GIT1: variants seen among roughly 807,000 people sequenced by gnomAD.
GIT1 encodes ARF GTPase-activating protein GIT1.
In GIT1, 14 loss-of-function variants were observed where a neutral mutation model predicts 91.7. That is an observed-to-expected ratio of 0.15 (90% CI 0.10 to 0.24). The LOEUF is 0.24. Ranked by LOEUF, GIT1 falls within the 10% of genes least tolerant of loss-of-function variation. The probability of loss-of-function intolerance (pLI) is 1.00; values close to 1 mark genes in which losing one functional copy is unlikely to be tolerated. For synonymous variants in GIT1, 414 were observed against 418.2 expected (o/e 0.99, Z 0.12); for missense variants, 717 against 1,024.9 (o/e 0.70, Z 4.10).
Position 29,575,883 on chromosome 17 carries a change from A to T in GIT1, c.1681T>A (p.Ser561Thr), listed in dbSNP as rs1302216816. Residue 561 changes from serine to threonine, a missense_variant, in exon 16 of 20, where the codon TCT becomes ACT. Coordinates refer to ENST00000225394, the MANE Select transcript of GIT1 (RefSeq NM_014030.4). The surrounding 1 kb of genome is among the most constrained non-coding windows in gnomAD (Gnocchi z 5.5). ...GGAGTGAAGGGCACAGCTGAGGCAG[A>T]CACCCCTTTCCGGATCTGAAACCCA... is the stretch of plus-strand genomic sequence containing the variant. ...AGLYRIRKGV[S>T]ASAVPFTPSS... 2 of 1,609,650 alleles carry T rather than the reference A, an allele frequency of 1.2e-6. No individual in the cohort carries two copies. Among genetic ancestry groups the T allele is most frequent in the South Asian group, 2.2e-5 (2 of 90,438 alleles).
intron 8 of GIT1, 126 bp from the exon 9 acceptor site, chr17:29,578,497 C>T: frequency 1.1e-6 from 1 of 915,954 alleles, no homozygotes; most frequent in South Asian, 1.3e-5. Flanking sequence ...CCCCTACAGT[C>T]TCAGAATGGG....
chr17:29,574,951 T>C (rs1479814488), intron 19 of GIT1, 37 bp from the exon 20 acceptor site: 1 of 1,522,800 alleles, frequency 6.6e-7, no homozygotes. Context: ...CCTTGGACTT[T>C]AAGCCACCAG....
chr17:29,577,216 C>A lies in GIT1; in HGVS notation c.1013G>T (p.Arg338Leu). Residue 338 changes from arginine (R) to leucine (L), a missense_variant, in exon 11 of 20, where the codon CGA (arginine) becomes CTA (leucine). Physicochemically the swap from Arg to Leu is moderately radical, Grantham distance 102 (BLOSUM62 -2). Transcript: ENST00000225394. ...GTCGATGATCAAGGTGGCAAACTCT[C>A]GGGCATTAAAGCGGGCCAGCTTTTG... ...GRQKLARFNA[R>L]EFATLIIDIL... 6.2e-7 allele frequency: 1 copy of A among 1,613,922 alleles called. No individual in the cohort carries two copies. The highest frequency in any genetic ancestry group is 8.5e-7 in the Non-Finnish European group (1 of 1,180,022).
chr17:29,576,696 G>C (rs1420229524), intron 12 of GIT1, 22 bp from the exon 13 acceptor site: 1 of 1,613,188 alleles, frequency 6.2e-7, no homozygotes, highest in Non-Finnish European at 8.5e-7. Flanking sequence ...GACCTAAGCT[G>C]GTCAGCACCT....
chr17:29,587,915 C>A (rs2150856156), intron 1 of GIT1, among the ~76,000 whole-genome samples: 1 of 152,310 alleles, frequency 6.6e-6, no homozygotes. Context: ...TCAGCCCTGC[C>A]ATCCCCAGAC....
rs1388547218 is a variant in GIT1 at position 29,582,983 on chromosome 17, G to A, written c.241C>T (p.Leu81=). 2 of 1,612,074 alleles carry A rather than the reference G, an allele frequency of 1.2e-6. No homozygotes were observed. The highest frequency in any genetic ancestry group is 2.7e-5 in the African/African-American group (2 of 74,936). ...CCGCTCTGCACTTGTGCGGGGTCCAGCAGGGAGTGCTCCCAGATGGAGTTG... is the reference window on the plus strand; with the variant it reads ...CCGCTCTGCACTTGTGCGGGGTCCAACAGGGAGTGCTCCCAGATGGAGTTG... ...GANSIWEHSL[L]DPAQVQSGRR... The change falls in exon 3 of 20, where the codon CTG becomes TTG. Residue 81 remains leucine (L), a synonymous_variant. Coordinates refer to ENST00000225394, the MANE Select transcript of GIT1 (RefSeq NM_014030.4).
chr17:29,580,089 C>T (rs1400870582), intron 7 of GIT1, among the ~76,000 whole-genome samples: 2 of 152,140 alleles, frequency 1.3e-5, no homozygotes, highest in Admixed American at 6.5e-5. Context: ...TTGCTGCACT[C>T]CCCCATGAGG....
chr17:29,575,952 T>C lies in GIT1; in HGVS notation c.1666-54A>G. On this transcript the variant is annotated intron_variant, in intron 15 of 19. Transcript: ENST00000225394. This position sits in a 1 kb window ranked among gnomAD's most constrained non-coding sequence, Gnocchi z 5.5. ...TCAGTGTGCCCCACTGCCCCCCTGC[T>C]CACCAGCAGTGCAGCAGGGACCAGG... 1 of 1,545,276 alleles carries C rather than the reference T, an allele frequency of 6.5e-7. No homozygotes were observed.
Position 29,577,155 on chromosome 17 carries a change from C to T in GIT1, c.1074G>A (p.Lys358=). 1 of 1,613,886 alleles carries T rather than the reference C, an allele frequency of 6.2e-7. No individual in the cohort carries two copies. Among genetic ancestry groups the T allele is most frequent in the Admixed American group, 1.7e-5 (1 of 60,028 alleles). The change falls in exon 11 of 20, where the codon AAG becomes AAA. Residue 358 remains lysine, a synonymous_variant. Coordinates refer to ENST00000225394, the MANE Select transcript of GIT1 (RefSeq NM_014030.4). ...TCCCACCTGTGGGGCTGCTCAGGCT[C>T]TTGCCCTGCTGTCTCCGCTTGGCCT... is the stretch of plus-strand genomic sequence containing the variant. ...LSEAKRRQQG[K]SLSSPTDNLE...
intron 4 of GIT1, 63 bp from the exon 5 acceptor site, chr17:29,582,207 G>A (rs2033422794): frequency 1.6e-6 from 2 of 1,274,080 alleles, no homozygotes; most frequent in Admixed American, 2.0e-5. Context: ...CCACCCACAA[G>A]CTGCACCCTG....
Position 29,582,744 on chromosome 17 carries a change from A to C in GIT1, c.359T>G (p.Leu120Arg). 6.2e-7 allele frequency: 1 copy of C among 1,613,730 alleles called. No individual in the cohort carries two copies. Among genetic ancestry groups the C allele is most frequent in the Non-Finnish European group, 8.5e-7 (1 of 1,179,966 alleles). Residue 120 changes from leucine (L) to arginine (R), a missense_variant, in exon 4 of 20, where the codon CTT (leucine) becomes CGT (arginine). Leu to Arg is a moderately radical substitution (Grantham distance 102). Transcript: ENST00000225394. The part of the protein sequence containing the change: ...KYQMLAFVHK[L>R]PCRDDDGVTA... ...GACTCCATCATCGTCCCGGCAGGGAAGCTTGTGCACAAATGCCAGCATCTG... is the reference window on the plus strand; with the variant it reads ...GACTCCATCATCGTCCCGGCAGGGACGCTTGTGCACAAATGCCAGCATCTG...
rs2033246140 is a variant in GIT1, at chr17:29,577,362, C to T, written c.982-115G>A. The T allele has an allele frequency of 2.6e-5, 22 of 833,274 alleles. 1 individual carries two copies. In the South Asian group the frequency reaches 3.0e-4, roughly 11 times the overall value. 51.6% of individuals were successfully genotyped at this position (833,274 alleles called of 1,614,324 possible). On this transcript the variant is annotated intron_variant, in intron 10 of 19. Coordinates refer to ENST00000225394, the MANE Select transcript of GIT1 (RefSeq NM_014030.4). ...CCATTTAATTTAACCCCAGCTAAAG[C>T]GTCCCAGCCTAGCTTCACCTGGCTA...
chr17:29,575,586 C>T lies in GIT1; in HGVS notation c.1826+44G>A, dbSNP rs1208138524. 6.3e-7 allele frequency: 1 copy of T among 1,593,670 alleles called. No individual in the cohort carries two copies. The highest frequency in any genetic ancestry group is 8.6e-7 in the Non-Finnish European group (1 of 1,167,000). ...CTGGGGGCCCTCTCAACCTCCCCGC[C>T]TCGGCATGTGAGCAGGCTGGACTGG... On this transcript the variant is annotated intron_variant, in intron 17 of 19. Transcript: ENST00000225394. The surrounding 1 kb of genome is among the most constrained non-coding windows in gnomAD (Gnocchi z 5.5).
At chr17:29,582,879 C>T (rs774986487) in intron 3 of GIT1, 46 bp downstream of exon 3, 3 of 1,558,366 alleles carry the variant, frequency 1.9e-6, no homozygotes, top group East Asian at 2.2e-5. Flanking sequence ...AGGGCCCTGT[C>T]CCGGACTGCG....
intron 1 of GIT1, among the ~76,000 whole-genome samples, chr17:29,586,967 G>A (rs752276705): frequency 3.9e-5 from 6 of 152,132 alleles, no homozygotes; most frequent in African/African-American, 7.2e-5. Flanking sequence ...GCCCATGCCC[G>A]GGAGCAGAGG....
rs78783041 is a variant in GIT1, at chr17:29,582,975, G to A, written c.249C>T (p.Pro83=). Residue 83 remains proline (P), a synonymous_variant, in exon 3 of 20, where the codon CCC becomes CCT. Transcript: ENST00000225394. ...TACGCCGGCCGCTCTGCACTTGTGC[G>A]GGGTCCAGCAGGGAGTGCTCCCAGA... ...NSIWEHSLLD[P]AQVQSGRRKA... 2.9e-3 allele frequency: 4,697 copies of A among 1,612,276 alleles called. 127 individuals carry two copies. The African/African-American group carries it at 0.055, about 19-fold the overall frequency.
intron 1 of GIT1, among the ~76,000 whole-genome samples, chr17:29,584,824 C>T (rs2033532745): frequency 6.6e-6 from 1 of 152,178 alleles, no homozygotes; most frequent in Admixed American, 6.5e-5. Context: ...CCTCTAAGGA[C>T]TTCCACCAAA....
Position 29,574,666 on chromosome 17 carries a change from G to T in GIT1, c.*36C>A. On this transcript the variant is annotated 3_prime_UTR_variant, in exon 20 of 20. Coordinates refer to ENST00000225394, the MANE Select transcript of GIT1 (RefSeq NM_014030.4). ...GTGGCCCAGCTCCTATGGCCAGTGA[G>T]GTCCTAGGGTGCAGGTGAGGGTGTG... 5 of 1,508,320 alleles carry T rather than the reference G, an allele frequency of 3.3e-6. No individual in the cohort carries two copies. The highest frequency in any genetic ancestry group is 3.7e-6 in the Non-Finnish European group (4 of 1,086,318). 93.4% of individuals were successfully genotyped at this position (1,508,320 alleles called of 1,614,324 possible).
chr17:29,589,301 C>T lies in GIT1; in HGVS notation c.52+26G>A. 6.0e-6 allele frequency: 6 copies of T among 1,004,612 alleles called. No individual in the cohort carries two copies. The highest frequency in any genetic ancestry group is 7.1e-6 in the Non-Finnish European group (6 of 841,144). The allele number at this position is 1,004,612 out of a possible 1,614,324, so 62.2% of individuals were successfully genotyped here. A position where few individuals can be genotyped will look rare whatever the true frequency, so the allele number is the denominator to read the frequency against. ...CCCGGCGGCGGCCTGGCTGTGCGGT[C>T]CCGCCCCCGGCCCCGCCGCGCTTAC... On this transcript the variant is annotated intron_variant, in intron 1 of 19. Transcript: ENST00000225394. The surrounding 1 kb of genome is among the most constrained non-coding windows in gnomAD (Gnocchi z 5.2).
Sources: gnomAD v4.1 joint callset for allele counts (sites outside exome capture counted in the v4.1 genomes callset) on GRCh38, gnomAD v4.1.1 for gene constraint, Gnocchi (gnomAD v3.1) non-coding constraint, MANE v1.5 for transcripts, NCBI Gene and HGNC (gene_info 2026-07-23, HGNC 2026-07-21) for gene names.